Variants in SLC25A23 observed in about 807,000 individuals in gnomAD.
SLC25A23 encodes the protein solute carrier family 25 member 23.
A neutral mutation model predicts 53.9 loss-of-function variants in SLC25A23; 32 were observed. The ratio of observed to expected loss-of-function variants is 0.59; its 90% CI spans 0.45 to 0.80. The LOEUF is 0.80. SLC25A23 is among the 30% of genes least tolerant of loss of function. The pLI is 0.00. For missense variants in SLC25A23, 575 were observed against 651.4 expected, an observed-to-expected ratio of 0.88 and a Z score of 1.28; for synonymous variants, 275 against 264.5, an observed-to-expected ratio of 1.04 and a Z score of -0.38.
chr19:6,456,569 G>C, intron 3 of SLC25A23, 38 bp from the exon 4 acceptor site: 1 of 1,555,802 alleles, frequency 6.4e-7, no homozygotes, highest in Non-Finnish European at 8.9e-7. Flanking sequence ...GACAGGTTCA[G>C]TGCCTGGGGG....
chr19:6,451,444 A>T (rs1438181392), intron 8 of SLC25A23, among the ~76,000 whole-genome samples: 1 of 152,246 alleles, frequency 6.6e-6, no homozygotes, highest in African/African-American at 2.4e-5. Context: ...GCAGAGCGTT[A>T]CACCAAGCAC....
intron 9 of SLC25A23, chr19:6,443,586 C>T (rs1198918304): frequency 1.4e-6 from 1 of 702,602 alleles, no homozygotes; most frequent in African/African-American, 1.7e-5. Context: ...ATTTATTTAG[C>T]ATCTTCCTTC....
rs749918850 is a variant in SLC25A23, at chr19:6,456,533, TG to T, written c.372-3del. The T allele has an allele frequency of 2.5e-6, 4 of 1,575,832 alleles. No individual in the cohort carries two copies. Among genetic ancestry groups the T allele is most frequent in the East Asian group, 2.3e-5 (1 of 43,012 alleles). On this transcript the variant is annotated splice_polypyrimidine_tract_variant and splice_region_variant and intron_variant, in intron 3 of 9. Coordinates refer to ENST00000301454, the MANE Select transcript of SLC25A23 (RefSeq NM_024103.3). ...GTCATTGTGCCGTCTCGGTCCATGC[TG>T]GGGGGAAGAAAGGGGGTGGAGGAGG...
At chr19:6,452,146 T>C (rs1219289244) in intron 8 of SLC25A23, among the ~76,000 whole-genome samples, 166 bp downstream of exon 8, 3 of 152,110 alleles carry the variant, frequency 2.0e-5, no homozygotes, top group African/African-American at 7.2e-5. Flanking sequence ...GTCCAATACC[T>C]GGAAGGGTTC....
intron 8 of SLC25A23, among the ~76,000 whole-genome samples, chr19:6,447,230 C>T (rs2092517867): frequency 1.3e-5 from 2 of 152,186 alleles, no homozygotes; most frequent in Non-Finnish European, 2.9e-5. Flanking sequence ...CTCATTACCT[C>T]CCCAATAAAT....
chr19:6,436,563 C>G (rs1040610313), downstream of SLC25A23: 3 of 336,678 alleles, frequency 8.9e-6, no homozygotes, highest in Non-Finnish European at 1.8e-5. Flanking sequence ...TTTTTTTTTT[C>G]TTTGAGACAT....
intron 7 of SLC25A23, 122 bp from the exon 8 acceptor site, chr19:6,452,601 A>G: frequency 6.7e-6 from 8 of 1,186,862 alleles, no homozygotes; most frequent in Non-Finnish European, 9.2e-6. Flanking sequence ...GAATTTTAAA[A>G]ACCACCTACT....
rs184960015 is a variant in SLC25A23 at position 6,446,618 on chromosome 19, A to G, written c.1072-2317T>C. 1.4e-3 allele frequency among the ~76,000 whole-genome samples: 214 copies of G among 152,338 alleles called. 1 individual carries two copies. Among genetic ancestry groups the G allele is most frequent in the African/African-American group, 4.9e-3 (204 of 41,578 alleles). On this transcript the variant is annotated intron_variant, in intron 8 of 9. Coordinates refer to ENST00000301454, the MANE Select transcript of SLC25A23 (RefSeq NM_024103.3). ...TTCAAAAGACTGACCTGGTGGATCAATACCCCAGCTCCCTCATCTCTCTGG... is the reference window on the plus strand; with the variant it reads ...TTCAAAAGACTGACCTGGTGGATCAGTACCCCAGCTCCCTCATCTCTCTGG...
intron 2 of SLC25A23, 57 bp from the exon 3 acceptor site, chr19:6,457,647 C>T: frequency 6.8e-7 from 1 of 1,480,232 alleles, no homozygotes; most frequent in African/African-American, 1.4e-5. Context: ...CTGGGGAACC[C>T]CAGGACCAAG....
chr19:6,440,916 T>A lies in SLC25A23; in HGVS notation c.*1059A>T, dbSNP rs1444150684. 1 of 152,282 alleles carries A rather than the reference T, an allele frequency of 6.6e-6. No individual in the cohort carries two copies. The allele number at this position is 152,282 out of a possible 1,614,324, so 9.4% of individuals were successfully genotyped here. ...GATCAGAAACCGGGGATTCAGGGCT[T>A]GGGATTCAGTGCCTTGGAATATCAG... On this transcript the variant is annotated 3_prime_UTR_variant, in exon 10 of 10. Coordinates refer to ENST00000301454, the MANE Select transcript of SLC25A23 (RefSeq NM_024103.3).
Position 6,459,338 on chromosome 19 carries a change from G to C in SLC25A23, c.156+135C>G, listed in dbSNP as rs1050307826. On this transcript the variant is annotated intron_variant, in intron 1 of 9. Transcript: ENST00000301454. The surrounding 1 kb of genome is among the most constrained non-coding windows in gnomAD (Gnocchi z 4.6). The stretch of plus-strand genomic sequence containing the variant: ...TAGGCCAAACACGAGTGGGTAGGGG[G>C]AACGAGACAGAGACACAGGTTCTGG... 1.1e-5 allele frequency: 8 copies of C among 714,640 alleles called. No homozygotes were observed. The Admixed American group carries it at 3.0e-4, about 27-fold the overall frequency. The allele number at this position is 714,640 out of a possible 1,614,324, so 44.3% of individuals were successfully genotyped here.
intron 9 of SLC25A23, chr19:6,443,626 G>A (rs1172462585): frequency 1.4e-6 from 1 of 702,630 alleles, no homozygotes; most frequent in Non-Finnish European, 2.6e-6. Context: ...TATGAGGGTG[G>A]GGACCGTGTC....
At chr19:6,453,576 A>G (rs907708472) in intron 7 of SLC25A23, among the ~76,000 whole-genome samples, 2 of 152,142 alleles carry the variant, frequency 1.3e-5, no homozygotes, top group African/African-American at 4.8e-5. Context: ...TCAGAATCCA[A>G]ACAATACACT....
At chr19:6,457,379 C>T in intron 3 of SLC25A23, 124 bp downstream of exon 3, 1 of 866,906 alleles carries the variant, frequency 1.2e-6, no homozygotes, top group Non-Finnish European at 1.8e-6. Context: ...ATCTGTCTGA[C>T]TTCAAAGCCC....
downstream of SLC25A23, among the ~76,000 whole-genome samples, chr19:6,437,832 G>A (rs1036513562): frequency 1.3e-5 from 2 of 148,302 alleles, no homozygotes; most frequent in Admixed American, 1.4e-4. Context: ...GGCCGGGCGC[G>A]GTGGCTCATG....
downstream of SLC25A23, chr19:6,436,462 C>T (rs987191765): frequency 3.5e-5 from 16 of 455,932 alleles, no homozygotes; most frequent in South Asian, 4.6e-5. Context: ...GCATGACCAC[C>T]GGCTTCCTCC....
At chr19:6,455,937 T>C in intron 4 of SLC25A23, 2 of 1,018,134 alleles carry the variant, frequency 2.0e-6, no homozygotes, top group Non-Finnish European at 2.7e-6. Flanking sequence ...GCCAGGATGG[T>C]CGCGATCGCC....
chr19:6,452,413 G>T lies in SLC25A23; in HGVS notation c.970C>A (p.Arg324Ser). The T allele has an allele frequency of 6.2e-7, 1 of 1,613,854 alleles. No homozygotes were observed. Among genetic ancestry groups the T allele is most frequent in the Non-Finnish European group, 8.5e-7 (1 of 1,179,954 alleles). ...QYKGLLDCAR[R>S]ILEREGPRAF... Reference sequence around the variant, plus strand: ...CGGGGCCCCTCCCTCTCCAGGATACGCCTGGCGCAGTCCAGCAGCCCCTTA... The same window carrying T: ...CGGGGCCCCTCCCTCTCCAGGATACTCCTGGCGCAGTCCAGCAGCCCCTTA... The change falls in exon 8 of 10, where the codon CGT becomes AGT. Residue 324 changes from arginine to serine, a missense_variant. By Grantham distance (110) the Arg-to-Ser change is moderately radical. Coordinates refer to ENST00000301454, the MANE Select transcript of SLC25A23 (RefSeq NM_024103.3).
chr19:6,453,735 A>T (rs2092628928), intron 7 of SLC25A23, among the ~76,000 whole-genome samples: 1 of 152,226 alleles, frequency 6.6e-6, no homozygotes, highest in Non-Finnish European at 1.5e-5. Flanking sequence ...GCATATTTAT[A>T]AACAGCTGGC....
Sources: allele counts gnomAD v4.1 joint callset (sites outside exome capture counted in the v4.1 genomes callset), GRCh38; gene constraint gnomAD v4.1.1; non-coding constraint Gnocchi (gnomAD v3.1); transcripts MANE v1.5; gene names NCBI Gene and HGNC (gene_info 2026-07-23, HGNC 2026-07-21).